The following LRRC7 variants were observed in gnomAD, a reference collection of about 807,000 sequenced individuals.
LRRC7 encodes the protein leucine-rich repeat-containing protein 7.
A neutral mutation model predicts 175.7 loss-of-function variants in LRRC7; 23 were observed. That is an observed-to-expected ratio of 0.13 (90% CI 0.09 to 0.19). The LOEUF (loss-of-function observed/expected upper bound fraction) is 0.19. Among genes scored for constraint, LRRC7 ranks in the 10% least tolerant of loss-of-function variants. The probability of loss-of-function intolerance (pLI) is 1.00; values close to 1 mark genes in which losing one functional copy is unlikely to be tolerated. For synonymous variants in LRRC7, 685 were observed against 680.9 expected, an observed-to-expected ratio of 1.01 and a Z score of -0.09; for missense variants, 1,354 against 1,904.7, an observed-to-expected ratio of 0.71 and a Z score of 5.38.
At chr1:70,046,820 A>C (rs978673196) in intron 22 of LRRC7, among the ~76,000 whole-genome samples, 10 of 152,070 alleles carry the variant, frequency 6.6e-5, no homozygotes, top group Admixed American at 5.2e-4. Flanking sequence ...TCATTTGAAA[A>C]TTTGTTAGGT....
intron 8 of LRRC7, among the ~76,000 whole-genome samples, chr1:69,962,867 A>G (rs1009927394): frequency 1.1e-4 from 17 of 152,154 alleles, no homozygotes; most frequent in African/African-American, 3.1e-4. Flanking sequence ...AAAAACGACT[A>G]ACGGATGCTA....
intron 1 of LRRC7, among the ~76,000 whole-genome samples, chr1:69,576,018 G>A (rs574060399): frequency 1.3e-5 from 2 of 151,776 alleles, no homozygotes; most frequent in Non-Finnish European, 2.9e-5. Flanking sequence ...GATTGTTTGA[G>A]TTCAGGAGTG....
chr1:69,818,667 G>C (rs1038851882), intron 4 of LRRC7, among the ~76,000 whole-genome samples: 4 of 152,066 alleles, frequency 2.6e-5, no homozygotes, highest in Non-Finnish European at 4.4e-5. Context: ...AATTGTTTGA[G>C]AAGGTTGATA....
chr1:70,089,230 AC>A (rs541815791), intron 24 of LRRC7, among the ~76,000 whole-genome samples: 4 of 152,254 alleles, frequency 2.6e-5, no homozygotes, highest in Admixed American at 6.5e-5. Context: ...ATATTCCTAA[AC>A]AAAGAATTAT....
In LRRC7 at chr1:70,121,936, A is replaced by G. The variant is rs768011862; in HGVS notation, c.*49A>G. 8 of 1,363,830 alleles carry G rather than the reference A, an allele frequency of 5.9e-6. No individual in the cohort carries two copies. In the South Asian group the frequency reaches 9.9e-5, roughly 17 times the overall value. 84.5% of individuals were successfully genotyped at this position (1,363,830 alleles called of 1,614,324 possible). On this transcript the variant is annotated 3_prime_UTR_variant, in exon 27 of 27. Transcript: ENST00000651989. The stretch of plus-strand genomic sequence containing the variant: ...TACGTCTAGCCAGACCTAATGTTCA[A>G]AAATAAATTTATACATAGAAACAAA...
At chr1:69,857,777 A>G (rs1683855596) in intron 7 of LRRC7, among the ~76,000 whole-genome samples, 1 of 152,170 alleles carries the variant, frequency 6.6e-6, no homozygotes, top group South Asian at 2.1e-4. Flanking sequence ...GTTCATATGG[A>G]ACCAAAAAAG....
chr1:70,129,756 G>GA lies in LRRC7; in HGVS notation c.*7873dup, dbSNP rs1200449858. Among the ~76,000 whole-genome samples, 2 of 152,190 alleles carry GA rather than the reference G, an allele frequency of 1.3e-5. No individual in the cohort carries two copies. Among genetic ancestry groups the GA allele is most frequent in the Non-Finnish European group, 2.9e-5 (2 of 68,034 alleles). ...CTACACGCTGCTCAAGTGATCCCCTGAAAATACTGTTTGCATGAGATTGGA... is the reference window on the plus strand; with the variant it reads ...CTACACGCTGCTCAAGTGATCCCCTGAAAAATACTGTTTGCATGAGATTGGA... On this transcript the variant is annotated 3_prime_UTR_variant, in exon 27 of 27. Transcript: ENST00000651989.
chr1:69,894,412 G>T (rs1158147272), intron 7 of LRRC7, among the ~76,000 whole-genome samples: 3 of 152,164 alleles, frequency 2.0e-5, no homozygotes, highest in African/African-American at 7.2e-5. Flanking sequence ...ATGAGAATAT[G>T]TGATGATTTT....
intron 7 of LRRC7, among the ~76,000 whole-genome samples, chr1:69,867,728 AG>A (rs2101564801): frequency 6.6e-6 from 1 of 152,286 alleles, no homozygotes; most frequent in East Asian, 1.9e-4. Context: ...GAATTGAGAA[AG>A]GTTGTAGGAA....
chr1:69,962,267 A>G (rs1320237154), intron 8 of LRRC7, among the ~76,000 whole-genome samples: 1 of 152,224 alleles, frequency 6.6e-6, no homozygotes, highest in Non-Finnish European at 1.5e-5. Context: ...ATGCAAATCA[A>G]AACCACAATG....
intron 7 of LRRC7, among the ~76,000 whole-genome samples, chr1:69,888,961 G>A (rs1482073262): frequency 3.3e-5 from 5 of 152,088 alleles, no homozygotes; most frequent in Non-Finnish European, 7.4e-5. Context: ...CCACAATAAA[G>A]CAAATATTGC....
At chr1:70,064,176 G>T (rs1571219006) in intron 23 of LRRC7, among the ~76,000 whole-genome samples, 1 of 151,982 alleles carries the variant, frequency 6.6e-6, no homozygotes, top group African/African-American at 2.4e-5. Context: ...ATTTTTAGCT[G>T]CAGAGCTTCC....
chr1:70,021,905 T>C (rs1657543631), intron 16 of LRRC7, among the ~76,000 whole-genome samples: 1 of 152,190 alleles, frequency 6.6e-6, no homozygotes, highest in Non-Finnish European at 1.5e-5. Flanking sequence ...GTATGTGTAC[T>C]TTTTCTATCA....
In LRRC7 at chr1:70,138,741, CCTTT is replaced by C. The variant is rs1465518638; in HGVS notation, c.*16857_*16860del. 3.9e-5 allele frequency: 6 copies of C among 152,156 alleles called. No individual in the cohort carries two copies. The highest frequency in any genetic ancestry group is 7.4e-5 in the Non-Finnish European group (5 of 68,022). 9.4% of individuals were successfully genotyped at this position (152,156 alleles called of 1,614,324 possible). On this transcript the variant is annotated 3_prime_UTR_variant, in exon 27 of 27. Transcript: ENST00000651989. ...CATTAAATACAGTAGTATCTGGTGG[CCTTT>C]CTGTGTGGAGGAGCTCGTTTGTCCA...
chr1:69,676,892 C>T (rs1409297652), intron 1 of LRRC7, among the ~76,000 whole-genome samples: 1 of 151,938 alleles, frequency 6.6e-6, no homozygotes, highest in Non-Finnish European at 1.5e-5. Flanking sequence ...GGATAGTGAA[C>T]ATTGTACTCA....
intron 3 of LRRC7, among the ~76,000 whole-genome samples, chr1:69,771,023 T>A (rs1672182899): frequency 6.6e-6 from 1 of 152,176 alleles, no homozygotes; most frequent in Non-Finnish European, 1.5e-5. Flanking sequence ...GCGCCAAATG[T>A]ATACAATTTT....
intron 11 of LRRC7, among the ~76,000 whole-genome samples, chr1:70,003,015 T>C (rs1655674150): frequency 6.6e-6 from 1 of 152,108 alleles, no homozygotes; most frequent in Non-Finnish European, 1.5e-5. Flanking sequence ...GCATAAACAA[T>C]AGATGTTTAC....
intron 2 of LRRC7, among the ~76,000 whole-genome samples, chr1:69,707,771 A>G (rs1331515657): frequency 6.6e-6 from 1 of 152,310 alleles, no homozygotes; most frequent in African/African-American, 2.4e-5. Flanking sequence ...AGTTAGAGTC[A>G]TAGAGACTTG....
At position 69,757,732 on chromosome 1, in the gene LRRC7, T is replaced by C. The variant is rs138982934; in HGVS notation, c.101-2459T>C. ...CAACACAGACATCAAGAAATAGCCATGGTGAGTGAGAGACGCTGGGCAACA... is the reference window on the plus strand; with the variant it reads ...CAACACAGACATCAAGAAATAGCCACGGTGAGTGAGAGACGCTGGGCAACA... On this transcript the variant is annotated intron_variant, in intron 2 of 26. Transcript: ENST00000651989. 2.6e-3 allele frequency among the ~76,000 whole-genome samples: 401 copies of C among 152,018 alleles called. 3 individuals are homozygous for C. Among genetic ancestry groups the C allele is most frequent in the African/African-American group, 8.8e-3 (365 of 41,500 alleles).
Sources: allele counts gnomAD v4.1 joint callset (sites outside exome capture counted in the v4.1 genomes callset), GRCh38; gene constraint gnomAD v4.1.1; transcripts MANE v1.5; gene names NCBI Gene and HGNC (gene_info 2026-07-23, HGNC 2026-07-21).